Variants in PREX2 observed in about 807,000 individuals in gnomAD.
PREX2 encodes the protein phosphatidylinositol-3,4,5-trisphosphate dependent Rac exchange factor 2, also known as phosphatidylinositol 3,4,5-trisphosphate-dependent Rac exchanger 2 protein.
Under a neutral mutation model 203.2 loss-of-function variants are expected in PREX2, and 107 were observed. That is an observed-to-expected ratio of 0.53 (90% confidence interval 0.45 to 0.62). The LOEUF (loss-of-function observed/expected upper bound fraction) is 0.62. Ranked by LOEUF, PREX2 falls within the 20% of genes least tolerant of loss-of-function variation. The pLI, the probability that PREX2 is intolerant of heterozygous loss-of-function variation, is 0.00. For missense variants in PREX2, 1,777 were observed against 1,955.9 expected (o/e 0.91, Z 1.72); for synonymous variants, 672 against 663.6 (o/e 1.01, Z -0.19).
chr8:68,125,156 T>A (rs1438847856), intron 30 of PREX2, among the ~76,000 whole-genome samples: 3 of 152,160 alleles, frequency 2.0e-5, no homozygotes, highest in Non-Finnish European at 4.4e-5. Flanking sequence ...AATCAGTTGC[T>A]TGTTATGTGG....
chr8:68,099,853 C>T lies in PREX2; in HGVS notation c.2715+10C>T, dbSNP rs545879661. 3.9e-5 allele frequency: 62 copies of T among 1,587,570 alleles called. No homozygotes were observed. Among genetic ancestry groups the T allele is most frequent in the Non-Finnish European group, 5.1e-5 (59 of 1,156,138 alleles). ...ATCCAGTTATAAAAAGGTAAGTGTTCTATTGATTTTATACACAATTATTGT... is the reference window on the plus strand; with the variant it reads ...ATCCAGTTATAAAAAGGTAAGTGTTTTATTGATTTTATACACAATTATTGT... On this transcript the variant is annotated intron_variant, in intron 23 of 39. Transcript: ENST00000288368.
chr8:68,032,282 A>G lies in PREX2; in HGVS notation c.705+1624A>G, dbSNP rs577973581. 1.7e-3 allele frequency among the ~76,000 whole-genome samples: 259 copies of G among 152,328 alleles called. 3 individuals carry two copies. Among genetic ancestry groups the G allele is most frequent in the African/African-American group, 6.1e-3 (255 of 41,584 alleles). On this transcript the variant is annotated intron_variant, in intron 6 of 39. Coordinates refer to ENST00000288368, the MANE Select transcript of PREX2 (RefSeq NM_024870.4). ...AGAGGAATTTTGCCACTTGTTAGGT[A>G]TAAGAACTTGGGTAAGTTAAATAGC...
chr8:68,092,526 ATCTC>A (rs1248716860), intron 20 of PREX2, among the ~76,000 whole-genome samples: 2 of 152,196 alleles, frequency 1.3e-5, no homozygotes, highest in African/African-American at 2.4e-5. Context: ...TAGTCATCTC[ATCTC>A]TCTCATTTCT....
intron 30 of PREX2, 114 bp from the exon 31 acceptor site, chr8:68,127,249 GCAAAACCACAACTAC>G: frequency 1.6e-6 from 1 of 624,838 alleles, no homozygotes; most frequent in Non-Finnish European, 2.7e-6. Flanking sequence ...GAAAGTAATG[GCAAAACCACAACTAC>G]TTTTGCATGA....
intron 35 of PREX2, among the ~76,000 whole-genome samples, chr8:68,184,130 G>A (rs971825771): frequency 6.6e-6 from 1 of 152,278 alleles, no homozygotes; most frequent in East Asian, 1.9e-4. Flanking sequence ...AGGTAGGTGG[G>A]ATAGAGGTGC....
chr8:68,012,863 A>G (rs1165865470), intron 1 of PREX2, among the ~76,000 whole-genome samples: 3 of 152,234 alleles, frequency 2.0e-5, no homozygotes, highest in African/African-American at 7.2e-5. Context: ...ACAAAGGTTT[A>G]TTTTAAACAA....
intron 33 of PREX2, among the ~76,000 whole-genome samples, 174 bp downstream of exon 33, chr8:68,138,691 T>C (rs980193037): frequency 6.6e-6 from 1 of 152,192 alleles, no homozygotes; most frequent in Non-Finnish European, 1.5e-5. Context: ...AAAAGTTATA[T>C]ATTCAGATAA....
chr8:67,963,913 G>A (rs1453414624), intron 1 of PREX2, among the ~76,000 whole-genome samples: 3 of 152,170 alleles, frequency 2.0e-5, no homozygotes, highest in African/African-American at 4.8e-5. Flanking sequence ...GTTCCAGTGG[G>A]GTTAGCCGCT....
intron 1 of PREX2, among the ~76,000 whole-genome samples, chr8:67,960,364 C>T (rs1805602614): frequency 6.6e-6 from 1 of 152,000 alleles, no homozygotes. Context: ...TTTTTCCCCT[C>T]CATAAACTCC....
chr8:68,093,557 T>A (rs1809959053), intron 20 of PREX2, 48 bp from the exon 21 acceptor site: 1 of 853,496 alleles, frequency 1.2e-6, no homozygotes, highest in Non-Finnish European at 1.9e-6. Flanking sequence ...GGCATGTATT[T>A]TAGGAAGCAC....
chr8:67,952,394 C>T lies in PREX2; in HGVS notation c.-1C>T, dbSNP rs1162908187. On this transcript the variant is annotated 5_prime_UTR_variant, in exon 1 of 40. Coordinates refer to ENST00000288368, the MANE Select transcript of PREX2 (RefSeq NM_024870.4). ...CGCCGCGCTGCGCACCGCCGCCGAC[C>T]ATGAGCGAGGACAGCCGCGGAGACA... 4 of 1,543,588 alleles carry T rather than the reference C, an allele frequency of 2.6e-6. No homozygotes were observed.
At chr8:68,217,593 C>G in intron 37 of PREX2, 23 bp from the exon 38 acceptor site, 1 of 1,593,638 alleles carries the variant, frequency 6.3e-7, no homozygotes, top group Non-Finnish European at 8.6e-7. Flanking sequence ...TGGGGTCTGA[C>G]TTGCCCTTGC....
chr8:68,115,712 C>A, intron 25 of PREX2, 41 bp from the exon 26 acceptor site: 2 of 1,443,100 alleles, frequency 1.4e-6, no homozygotes, highest in Non-Finnish European at 1.9e-6. Flanking sequence ...ATATAGCAGA[C>A]AGTTTGAAAA....
intron 1 of PREX2, among the ~76,000 whole-genome samples, chr8:67,986,332 T>G (rs1327655784): frequency 1.5e-5 from 2 of 136,976 alleles, no homozygotes; most frequent in African/African-American, 5.4e-5. Context: ...GTAGCAGAGC[T>G]TGGATTTGAA....
At chr8:68,098,984 T>A (rs1330890293) in intron 22 of PREX2, among the ~76,000 whole-genome samples, 1 of 126,160 alleles carries the variant, frequency 7.9e-6, no homozygotes, top group Non-Finnish European at 1.7e-5. Context: ...ATATCTCACA[T>A]AATTAATTCT....
At chr8:68,186,373 G>A (rs1338356589) in intron 35 of PREX2, among the ~76,000 whole-genome samples, 1 of 152,142 alleles carries the variant, frequency 6.6e-6, no homozygotes. Context: ...AAGTCTGGAT[G>A]AGCCAATATA....
In PREX2 at chr8:67,957,519, G is replaced by A. The variant is rs907631551; in HGVS notation, c.141+4984G>A. Among the ~76,000 whole-genome samples the A allele has an allele frequency of 2.0e-5, 3 of 152,152 alleles. 1 individual carries two copies. Among genetic ancestry groups the A allele is most frequent in the Admixed American group, 2.0e-4 (3 of 15,278 alleles). On this transcript the variant is annotated intron_variant, in intron 1 of 39. Transcript: ENST00000288368. ...CAACCTTTCTCAGATTTGAGCTTTC[G>A]TAAAAGCAGTTAGAAAAAACATTTG...
Position 68,080,425 on chromosome 8 carries a change from A to G in PREX2, c.1643-18A>G, listed in dbSNP as rs371098518. ...TTTTGAATTAGCTGAAATAATTTGC[A>G]TCTGTCTTTTTCTGTAGTCCTTGAA... On this transcript the variant is annotated intron_variant, in intron 15 of 39. Transcript: ENST00000288368. The G allele has an allele frequency of 5.5e-5, 88 of 1,605,808 alleles. 1 individual carries two copies. Among genetic ancestry groups the G allele is most frequent in the South Asian group, 3.0e-4 (27 of 88,590 alleles).
intron 34 of PREX2, among the ~76,000 whole-genome samples, chr8:68,155,488 C>T (rs1811526227): frequency 6.6e-6 from 1 of 152,076 alleles, no homozygotes; most frequent in South Asian, 2.1e-4. Context: ...TTTAATAAAA[C>T]TATAGCACAG....
Sources: gnomAD v4.1 joint callset for allele counts (sites outside exome capture counted in the v4.1 genomes callset) on GRCh38, gnomAD v4.1.1 for gene constraint, MANE v1.5 for transcripts, NCBI Gene and HGNC (gene_info 2026-07-23, HGNC 2026-07-21) for gene names.